Variants in SNED1 observed in about 807,000 individuals in gnomAD.
SNED1 encodes the protein sushi, nidogen and EGF-like domain-containing protein 1.
Under a neutral mutation model 166.7 loss-of-function variants are expected in SNED1, and 81 were observed. The observed-to-expected ratio is 0.49, with a 90% confidence interval of 0.41 to 0.58. The LOEUF (loss-of-function observed/expected upper bound fraction) is 0.58, where lower values mean the gene tolerates loss of function less well. SNED1 is among the 20% of genes least tolerant of loss of function. SNED1 has a pLI of 0.00. For missense variants in SNED1, 1,604 were observed against 2,000.2 expected, an observed-to-expected ratio of 0.80 and a Z score of 3.78; for synonymous variants, 762 against 822.0, an observed-to-expected ratio of 0.93 and a Z score of 1.25.
chr2:241,084,019 C>G (rs556237925), intron 29 of SNED1, among the ~76,000 whole-genome samples: 1 of 151,686 alleles, frequency 6.6e-6, no homozygotes, highest in Non-Finnish European at 1.5e-5. Flanking sequence ...ACTGGTTATA[C>G]TTCTTAGGTT....
chr2:241,063,744 T>G (rs1411463767), intron 18 of SNED1, 44 bp downstream of exon 18: 1 of 1,356,546 alleles, frequency 7.4e-7, no homozygotes, highest in Non-Finnish European at 1.0e-6. Context: ...AGCCTGGGCC[T>G]CTGGAAGATC....
intron 1 of SNED1, among the ~76,000 whole-genome samples, chr2:241,009,323 C>A (rs1441451097): frequency 6.6e-6 from 1 of 152,146 alleles, no homozygotes; most frequent in African/African-American, 2.4e-5. Context: ...GGTGTGGACA[C>A]CCAGACAGTG....
At chr2:241,023,368 C>T (rs989142110) in intron 1 of SNED1, among the ~76,000 whole-genome samples, 7 of 151,390 alleles carry the variant, frequency 4.6e-5, no homozygotes, top group Admixed American at 3.9e-4. Flanking sequence ...ATTTCTTAAC[C>T]TCTACTTTTT....
At chr2:241,030,115 G>C (rs1164203454) in intron 1 of SNED1, among the ~76,000 whole-genome samples, 169 bp from the exon 2 acceptor site, 1 of 152,248 alleles carries the variant, frequency 6.6e-6, no homozygotes, top group Admixed American at 6.5e-5. Flanking sequence ...AGCAGGCCAT[G>C]CTGGGCCCAT....
At position 241,064,849 on chromosome 2, in the gene SNED1, G is replaced by A; in HGVS notation, c.2605G>A (p.Asp869Asn). The A allele has an allele frequency of 6.3e-7, 1 of 1,585,574 alleles. No individual in the cohort carries two copies. Among genetic ancestry groups the A allele is most frequent in the Non-Finnish European group, 8.5e-7 (1 of 1,171,204 alleles). ...FFGYHCETVS[D>N]PCFSSPCGGR... ...GCCACTTTTTCTCCCCTCAGTGAGT[G>A]ACCCCTGCTTCTCCAGCCCCTGTGG... The change falls in exon 20 of 32, where the codon GAC becomes AAC. Residue 869 changes from aspartate to asparagine, a missense_variant. By Grantham distance (23) the Asp-to-Asn change is conservative (BLOSUM62 1). Transcript: ENST00000310397. This position sits in a 1 kb window ranked among gnomAD's most constrained non-coding sequence, Gnocchi z 7.0.
intron 4 of SNED1, chr2:241,035,781 A>C (rs1461060065): frequency 7.3e-5 from 8 of 109,924 alleles, no homozygotes; most frequent in Non-Finnish European, 1.9e-5. Context: ...TGGGGTATGC[A>C]GGTGCGCCAC....
At chr2:241,012,251 G>A in intron 1 of SNED1, among the ~76,000 whole-genome samples, 1 of 152,164 alleles carries the variant, frequency 6.6e-6, no homozygotes, top group East Asian at 1.9e-4. Flanking sequence ...CAACCCAGAG[G>A]TACCACTTGT....
At chr2:241,089,097 AAAC>A (rs1445416752) in intron 31 of SNED1, 4 of 497,234 alleles carry the variant, frequency 8.0e-6, no homozygotes, top group East Asian at 7.3e-5. Flanking sequence ...GCCGAATCTT[AAAC>A]AACACTGGCA....
At chr2:241,080,732 TG>T (rs2063287777) in intron 27 of SNED1, among the ~76,000 whole-genome samples, 1 of 152,248 alleles carries the variant, frequency 6.6e-6, no homozygotes, top group African/African-American at 2.4e-5. Flanking sequence ...TTCATCGTGA[TG>T]CTCAGAAAGA....
chr2:241,094,612 C>T lies in SNED1; in HGVS notation c.*2976C>T, dbSNP rs140408698. On this transcript the variant is annotated 3_prime_UTR_variant, in exon 32 of 32. Transcript: ENST00000310397. This position sits in a 1 kb window ranked among gnomAD's most constrained non-coding sequence, Gnocchi z 4.3. ...GTCCATTTACCATCTGAAGTTGTCA[C>T]GAGTGAACAGTCACATTACTGTTGT... 6 of 351,086 alleles carry T rather than the reference C, an allele frequency of 1.7e-5. No homozygotes were observed. Among genetic ancestry groups the T allele is most frequent in the Non-Finnish European group, 2.2e-5 (4 of 178,738 alleles). 21.7% of individuals were successfully genotyped at this position (351,086 alleles called of 1,614,324 possible). A position where few individuals can be genotyped will look rare whatever the true frequency, so the allele number is the denominator to read the frequency against.
chr2:241,038,101 A>G (rs2061429036), intron 6 of SNED1, among the ~76,000 whole-genome samples: 1 of 143,392 alleles, frequency 7.0e-6, no homozygotes, highest in South Asian at 2.3e-4. Context: ...CCATCTCACC[A>G]TAGGGCTCTG....
chr2:241,038,853 T>C (rs984691890), intron 6 of SNED1, among the ~76,000 whole-genome samples: 3 of 152,170 alleles, frequency 2.0e-5, no homozygotes, highest in African/African-American at 7.2e-5. Flanking sequence ...AGGCCTATGA[T>C]GAGGGTCCCC....
chr2:241,034,819 T>G (rs2061295691), intron 4 of SNED1, 89 bp downstream of exon 4: 5 of 1,382,952 alleles, frequency 3.6e-6, no homozygotes, highest in Non-Finnish European at 4.9e-6. Context: ...GGGGGCTGGA[T>G]GCTGACGGGG....
chr2:241,053,133 C>G lies in SNED1; in HGVS notation c.2084-20C>G. On this transcript the variant is annotated intron_variant, in intron 15 of 31. Transcript: ENST00000310397. ...CAGGAAGGCACAGGACCGTGCGAGA[C>G]AGGCTGCCGTGCCTTGCAGAGGTGG... The G allele has an allele frequency of 6.2e-7, 1 of 1,602,030 alleles. No homozygotes were observed. Among genetic ancestry groups the G allele is most frequent in the Non-Finnish European group, 8.5e-7 (1 of 1,175,602 alleles).
Position 241,068,067 on chromosome 2 carries a change from A to T in SNED1, c.3194+120A>T. Reference sequence around the variant, plus strand: ...TGGACTGTACCACCTGCCGCTCCTCACCTGAGCGGAGACAAAGGTCTCAGG... The same window carrying T: ...TGGACTGTACCACCTGCCGCTCCTCTCCTGAGCGGAGACAAAGGTCTCAGG... On this transcript the variant is annotated intron_variant, in intron 22 of 31. Coordinates refer to ENST00000310397, the MANE Select transcript of SNED1 (RefSeq NM_001080437.3). The surrounding 1 kb of genome is among the most constrained non-coding windows in gnomAD (Gnocchi z 5.3). 1 of 943,436 alleles carries T rather than the reference A, an allele frequency of 1.1e-6. No individual in the cohort carries two copies. The highest frequency in any genetic ancestry group is 1.6e-6 in the Non-Finnish European group (1 of 638,832). 58.4% of individuals were successfully genotyped at this position (943,436 alleles called of 1,614,324 possible).
At chr2:241,045,600 TA>T (rs879740404) in intron 8 of SNED1, among the ~76,000 whole-genome samples, 73 of 142,832 alleles carry the variant, frequency 5.1e-4, no homozygotes, top group Non-Finnish European at 8.4e-4. Context: ...CTTATATGTA[TA>T]AAAAAAAAAC....
intron 16 of SNED1, among the ~76,000 whole-genome samples, chr2:241,053,911 T>C (rs572605656): frequency 6.6e-6 from 1 of 152,272 alleles, no homozygotes; most frequent in African/African-American, 2.4e-5. Flanking sequence ...GAGTCCAAAC[T>C]GTCCATCAGA....
At position 241,041,653 on chromosome 2, in the gene SNED1, C is replaced by T. The variant is rs142691546; in HGVS notation, c.1273+1240C>T. Among the ~76,000 whole-genome samples, 803 of 152,062 alleles carry T rather than the reference C, an allele frequency of 5.3e-3. 5 individuals are homozygous for T. The highest frequency in any genetic ancestry group is 0.018 in the African/African-American group (753 of 41,440). On this transcript the variant is annotated intron_variant, in intron 8 of 31. Coordinates refer to ENST00000310397, the MANE Select transcript of SNED1 (RefSeq NM_001080437.3). Reference sequence around the variant, plus strand: ...TGAGCTGAGATCGCACCACTGCACTCCACCCTGGGTAACAGAATGAGTGAG... The same window carrying T: ...TGAGCTGAGATCGCACCACTGCACTTCACCCTGGGTAACAGAATGAGTGAG...
rs536618555 is a variant in SNED1 at position 241,027,802 on chromosome 2, C to T, written c.214-2482C>T. 4.0e-5 allele frequency among the ~76,000 whole-genome samples: 6 copies of T among 150,414 alleles called. No individual in the cohort carries two copies. The East Asian group carries it at 9.8e-4, about 25-fold the overall frequency. ...AGGCTGGAGTGCAGTGGCACGATCT[C>T]GGCTCACTGCAAGCTCCGCCTCCCG... On this transcript the variant is annotated intron_variant, in intron 1 of 31. Transcript: ENST00000310397.
Sources: allele counts gnomAD v4.1 joint callset (sites outside exome capture counted in the v4.1 genomes callset), GRCh38; gene constraint gnomAD v4.1.1; non-coding constraint Gnocchi (gnomAD v3.1); transcripts MANE v1.5; gene names NCBI Gene and HGNC (gene_info 2026-07-23, HGNC 2026-07-21).